The following UBE2N variants were observed in gnomAD, a reference collection of about 807,000 sequenced individuals.
UBE2N encodes ubiquitin conjugating enzyme E2 N, also known as ubiquitin-conjugating enzyme E2 N.
For missense variants in UBE2N, 60 were observed against 192.1 expected, an observed-to-expected ratio of 0.31 and a Z score of 4.07; for synonymous variants, 70 against 69.2, an observed-to-expected ratio of 1.01 and a Z score of -0.06.
chr12:93,420,677 T>A (rs1316613922), intron 1 of UBE2N, among the ~76,000 whole-genome samples: 1 of 152,228 alleles, frequency 6.6e-6, no homozygotes, highest in Non-Finnish European at 1.5e-5. Flanking sequence ...ATACTGTATC[T>A]GCTGTGTTCA....
chr12:93,410,407 G>A (rs929211726), intron 3 of UBE2N: 2 of 501,270 alleles, frequency 4.0e-6, no homozygotes, highest in South Asian at 2.6e-5. Context: ...ATAAACAGCT[G>A]AATACTTTAA....
At position 93,412,902 on chromosome 12, in the gene UBE2N, ATTTC is replaced by A. The variant is rs574763423; in HGVS notation, c.31-1607_31-1604del. ...GGAGCTAAGAACATAAAGTATATTG[ATTTC>A]TTTATTATGGCTAGCAAATATTTAA... On this transcript the variant is annotated intron_variant, in intron 1 of 3. Coordinates refer to ENST00000318066, the MANE Select transcript of UBE2N (RefSeq NM_003348.4). 1.1e-4 allele frequency among the ~76,000 whole-genome samples: 17 copies of A among 152,356 alleles called. No individual in the cohort carries two copies. In the East Asian group the frequency reaches 2.7e-3, roughly 24 times the overall value.
At position 93,405,988 on chromosome 12, in the gene UBE2N, C is replaced by A. The variant is rs891122882; in HGVS notation, c.*4051G>T. ...AACTAACAAAAAAGATGTGGCAGGG[C>A]TGGGCACGGTGGCTCACGCCTGTAA... On this transcript the variant is annotated 3_prime_UTR_variant, in exon 4 of 4. Transcript: ENST00000318066. 2.0e-5 allele frequency: 3 copies of A among 152,232 alleles called. No individual in the cohort carries two copies. In the South Asian group the frequency reaches 6.2e-4, roughly 32 times the overall value. The allele number at this position is 152,232 out of a possible 1,614,324, so 9.4% of individuals were successfully genotyped here.
At chr12:93,417,818 T>G (rs1234656329) in intron 1 of UBE2N, among the ~76,000 whole-genome samples, 7 of 152,088 alleles carry the variant, frequency 4.6e-5, no homozygotes, top group Non-Finnish European at 7.4e-5. Flanking sequence ...CTGGACAAAG[T>G]TGTGTGTTAT....
intron 1 of UBE2N, among the ~76,000 whole-genome samples, chr12:93,425,515 A>G (rs1322825822): frequency 6.6e-6 from 1 of 152,188 alleles, no homozygotes; most frequent in African/African-American, 2.4e-5. Flanking sequence ...TGTGTCTAAC[A>G]TTTGCAGACC....
Position 93,410,723 on chromosome 12 carries a change from A to G in UBE2N, c.418+11T>C, listed in dbSNP as rs1222428456. ...GTGGAAGTGGTGTGAAGGAGAATGA[A>G]TATTAGATACCTGTTTCTATGGCTT... On this transcript the variant is annotated intron_variant, in intron 3 of 3. Transcript: ENST00000318066. 15 of 1,614,052 alleles carry G rather than the reference A, an allele frequency of 9.3e-6. No homozygotes were observed. Among genetic ancestry groups the G allele is most frequent in the Non-Finnish European group, 1.2e-5 (14 of 1,179,926 alleles).
chr12:93,424,232 AG>A (rs1413047692), intron 1 of UBE2N: 1 of 152,236 alleles, frequency 6.6e-6, no homozygotes, highest in Non-Finnish European at 1.5e-5. Context: ...CCTACAAGCT[AG>A]TGACTATACT....
At chr12:93,432,326 A>G (rs1209895859) in intron 1 of UBE2N, among the ~76,000 whole-genome samples, 1 of 151,746 alleles carries the variant, frequency 6.6e-6, no homozygotes, top group Non-Finnish European at 1.5e-5. Flanking sequence ...AATTGAACTG[A>G]AAAAAAATCT....
intron 1 of UBE2N, among the ~76,000 whole-genome samples, chr12:93,415,543 G>T (rs1225181774): frequency 6.6e-6 from 1 of 152,202 alleles, no homozygotes; most frequent in African/African-American, 2.4e-5. Flanking sequence ...ACCTTGGGAA[G>T]TCCTTTAACA....
At chr12:93,421,632 AATT>A (rs1827579656) in intron 1 of UBE2N, among the ~76,000 whole-genome samples, 1 of 152,150 alleles carries the variant, frequency 6.6e-6, no homozygotes, top group African/African-American at 2.4e-5. Context: ...TAATGTCATA[AATT>A]TTTTTTTCTT....
intron 1 of UBE2N, among the ~76,000 whole-genome samples, chr12:93,435,246 G>A (rs1878900519): frequency 6.6e-6 from 1 of 152,112 alleles, no homozygotes; most frequent in Non-Finnish European, 1.5e-5. Context: ...GCCGAGGTGG[G>A]CAGATCACCA....
intron 1 of UBE2N, among the ~76,000 whole-genome samples, chr12:93,415,657 A>G (rs1252497541): frequency 6.6e-6 from 1 of 152,172 alleles, no homozygotes; most frequent in Non-Finnish European, 1.5e-5. Flanking sequence ...CTGGATGGTA[A>G]AATTCCTTGA....
At chr12:93,437,560 G>T (rs1464863344) in intron 1 of UBE2N, among the ~76,000 whole-genome samples, 1 of 152,198 alleles carries the variant, frequency 6.6e-6, no homozygotes, top group Non-Finnish European at 1.5e-5. Flanking sequence ...ACTTTGGGAG[G>T]CTGAGGCAGG....
chr12:93,418,974 AAC>A (rs1374237758), intron 1 of UBE2N, among the ~76,000 whole-genome samples: 3 of 152,314 alleles, frequency 2.0e-5, no homozygotes, highest in African/African-American at 7.2e-5. Flanking sequence ...TGGAGAGTGA[AAC>A]ACAAGACAAT....
chr12:93,437,595 G>A (rs965983156), intron 1 of UBE2N, among the ~76,000 whole-genome samples: 6 of 152,128 alleles, frequency 3.9e-5, no homozygotes, highest in Admixed American at 1.3e-4. Context: ...AGAGGAGTTT[G>A]AGACCAGCAT....
intron 1 of UBE2N, among the ~76,000 whole-genome samples, chr12:93,415,270 AAAC>A (rs1475272742): frequency 5.3e-5 from 8 of 152,258 alleles, no homozygotes; most frequent in African/African-American, 7.2e-5. Flanking sequence ...CATACGTTAA[AAAC>A]AACAACAACA....
chr12:93,439,039 T>C (rs1258895166), intron 1 of UBE2N, among the ~76,000 whole-genome samples: 1 of 152,216 alleles, frequency 6.6e-6, no homozygotes. Flanking sequence ...AAGAATCAAA[T>C]GGTTAAGAAA....
intron 1 of UBE2N, among the ~76,000 whole-genome samples, chr12:93,433,026 G>A (rs963069096): frequency 6.8e-6 from 1 of 146,680 alleles, no homozygotes; most frequent in African/African-American, 2.5e-5. Context: ...TGCTGCTCCC[G>A]GGTTCACACC....
intron 1 of UBE2N, 36 bp downstream of exon 1, chr12:93,441,819 C>A (rs984015655): frequency 1.3e-6 from 2 of 1,579,024 alleles, no homozygotes; most frequent in Admixed American, 1.8e-5. Flanking sequence ...CCGACGAGAG[C>A]AGAGCGAAGA....
Sources: allele counts gnomAD v4.1 joint callset (sites outside exome capture counted in the v4.1 genomes callset), GRCh38; gene constraint gnomAD v4.1.1; transcripts MANE v1.5; gene names NCBI Gene and HGNC (gene_info 2026-07-23, HGNC 2026-07-21).